Variants in SMC3 observed in about 807,000 individuals in gnomAD.
SMC3 encodes structural maintenance of chromosomes protein 3.
Under a neutral mutation model 171.8 loss-of-function variants are expected in SMC3, and 20 were observed. The observed-to-expected ratio is 0.12, with a 90% confidence interval of 0.08 to 0.17. The LOEUF is 0.17. Ranked by LOEUF, SMC3 falls within the 10% of genes least tolerant of loss-of-function variation. The pLI, the probability that SMC3 is intolerant of heterozygous loss-of-function variation, is 1.00. For synonymous variants in SMC3, 464 were observed against 451.1 expected (o/e 1.03, Z -0.36); for missense variants, 543 against 1,420.4 (o/e 0.38, Z 9.93).
chr10:110,569,113 G>T, intron 2 of SMC3, 100 bp downstream of exon 2: 3 of 793,390 alleles, frequency 3.8e-6, no homozygotes, highest in Non-Finnish European at 2.2e-6. Flanking sequence ...AATTGTCTTT[G>T]AATATTAAGT....
Position 110,567,768 on chromosome 10 carries a change from C to A in SMC3, c.-49C>A, listed in dbSNP as rs1409584483. 4 of 1,611,608 alleles carry A rather than the reference C, an allele frequency of 2.5e-6. No homozygotes were observed. Among genetic ancestry groups the A allele is most frequent in the African/African-American group, 1.3e-5 (1 of 74,892 alleles). On this transcript the variant is annotated 5_prime_UTR_variant, in exon 1 of 29. Coordinates refer to ENST00000361804, the MANE Select transcript of SMC3 (RefSeq NM_005445.4). ...CGCCTCACCTGACCCTGCGGCCGTG[C>A]GGTTGCTGCTCCGGGGCAGGTCTCC...
Position 110,589,726 on chromosome 10 carries a change from T to A in SMC3, c.1409+18T>A. 1 of 1,486,474 alleles carries A rather than the reference T, an allele frequency of 6.7e-7. No individual in the cohort carries two copies. The allele number at this position is 1,486,474 out of a possible 1,614,324, so 92.1% of individuals were successfully genotyped here. On this transcript the variant is annotated intron_variant, in intron 14 of 28. Coordinates refer to ENST00000361804, the MANE Select transcript of SMC3 (RefSeq NM_005445.4). Reference sequence around the variant, plus strand: ...GAAAGAAAGTTAGTATAGACTAAAATGTGCATTAATGTTTTCAGTAATGTT... The same window carrying A: ...GAAAGAAAGTTAGTATAGACTAAAAAGTGCATTAATGTTTTCAGTAATGTT...
At chr10:110,572,767 T>G (rs576255428) in intron 2 of SMC3, among the ~76,000 whole-genome samples, 1 of 152,188 alleles carries the variant, frequency 6.6e-6, no homozygotes, top group Non-Finnish European at 1.5e-5. Flanking sequence ...ACAAAATGAT[T>G]TTTCATTTCC....
chr10:110,598,346 A>C, intron 20 of SMC3, 56 bp downstream of exon 20: 1 of 1,493,600 alleles, frequency 6.7e-7, no homozygotes, highest in South Asian at 1.1e-5. Flanking sequence ...TAATATGGAA[A>C]TATGAATCAT....
In SMC3 at chr10:110,605,241, A is replaced by G. The variant is rs1250852176; in HGVS notation, c.*939A>G. Among the ~76,000 whole-genome samples, 1 of 151,964 alleles carries G rather than the reference A, an allele frequency of 6.6e-6. No homozygotes were observed. Among genetic ancestry groups the G allele is most frequent in the Non-Finnish European group, 1.5e-5 (1 of 67,976 alleles). On this transcript the variant is annotated 3_prime_UTR_variant, in exon 29 of 29. Transcript: ENST00000361804. The stretch of plus-strand genomic sequence containing the variant: ...TGAAGTTACATTTTTTTCCCTTTCC[A>G]TACTACTCTTTTCTTTGAAAGTAGG...
intron 21 of SMC3, 51 bp from the exon 22 acceptor site, chr10:110,600,388 C>T (rs778805424): frequency 2.3e-6 from 2 of 880,134 alleles, no homozygotes; most frequent in South Asian, 1.3e-5. Context: ...GAGCACCATT[C>T]CTGTGTGTGA....
In SMC3 at chr10:110,583,291, T is replaced by C. The variant is rs1349687932; in HGVS notation, c.805-93T>C. On this transcript the variant is annotated intron_variant, in intron 10 of 28. Coordinates refer to ENST00000361804, the MANE Select transcript of SMC3 (RefSeq NM_005445.4). ...AATTGAATATTGAAAGGACAGAGTA[T>C]TACTAAACATTAAGTGAAAGAGAAT... is the stretch of plus-strand genomic sequence containing the variant. 1.4e-5 allele frequency: 14 copies of C among 986,910 alleles called. No homozygotes were observed. In the Admixed American group the frequency reaches 2.4e-4, roughly 17 times the overall value. The allele number at this position is 986,910 out of a possible 1,614,324, so 61.1% of individuals were successfully genotyped here. A position where few individuals can be genotyped will look rare whatever the true frequency, so the allele number is the denominator to read the frequency against.
chr10:110,575,618 T>C (rs1021598474), intron 4 of SMC3, among the ~76,000 whole-genome samples: 1 of 152,218 alleles, frequency 6.6e-6, no homozygotes, highest in Non-Finnish European at 1.5e-5. Context: ...GAGAAAATTA[T>C]AGGATTTGCC....
At chr10:110,586,391 A>G (rs1378124493) in intron 13 of SMC3, among the ~76,000 whole-genome samples, 1 of 152,192 alleles carries the variant, frequency 6.6e-6, no homozygotes, top group Non-Finnish European at 1.5e-5. Flanking sequence ...TAATCCAGGC[A>G]GTTCTTTATA....
chr10:110,599,588 T>G lies in SMC3; in HGVS notation c.2269-66T>G, dbSNP rs1365877752. Reference sequence around the variant, plus strand: ...TTAGCTCAATCAAATATAGATTGTTTTAAAATTTTCACTATAAGTAATACA... The same window carrying G: ...TTAGCTCAATCAAATATAGATTGTTGTAAAATTTTCACTATAAGTAATACA... On this transcript the variant is annotated intron_variant, in intron 20 of 28. Coordinates refer to ENST00000361804, the MANE Select transcript of SMC3 (RefSeq NM_005445.4). 9.0e-6 allele frequency: 13 copies of G among 1,443,326 alleles called. No homozygotes were observed. In the Middle Eastern group the frequency reaches 1.4e-3, roughly 159 times the overall value. 89.4% of individuals were successfully genotyped at this position (1,443,326 alleles called of 1,614,324 possible).
chr10:110,595,331 G>T (rs189358681), intron 18 of SMC3, among the ~76,000 whole-genome samples: 175 of 152,138 alleles, frequency 1.2e-3, no homozygotes, highest in Non-Finnish European at 1.8e-3. Flanking sequence ...CCCACCCAGA[G>T]AAATCCAGAA....
In SMC3 at chr10:110,578,019, C is replaced by G. The variant is rs547435705; in HGVS notation, c.350+105C>G. On this transcript the variant is annotated intron_variant, in intron 6 of 28. Coordinates refer to ENST00000361804, the MANE Select transcript of SMC3 (RefSeq NM_005445.4). ...TCTCGAACTCTTGGCCTCAAATGAT[C>G]CACCTCGGCTTCCTAAAGTGCTAGG... The G allele has an allele frequency of 2.1e-5, 16 of 762,278 alleles. No homozygotes were observed. In the African/African-American group the frequency reaches 2.4e-4, roughly 12 times the overall value. The allele number at this position is 762,278 out of a possible 1,614,324, so 47.2% of individuals were successfully genotyped here.
intron 19 of SMC3, among the ~76,000 whole-genome samples, chr10:110,597,847 G>T (rs1443201379): frequency 6.6e-6 from 1 of 152,192 alleles, no homozygotes; most frequent in African/African-American, 2.4e-5. Flanking sequence ...AATATTGTTA[G>T]ATTTCACCTA....
intron 2 of SMC3, among the ~76,000 whole-genome samples, chr10:110,573,498 GA>G (rs1176418587): frequency 6.6e-6 from 1 of 151,988 alleles, no homozygotes; most frequent in African/African-American, 2.4e-5. Context: ...TATCTTTAAA[GA>G]AAAAACTATT....
chr10:110,602,796 A>G, intron 26 of SMC3, 29 bp from the exon 27 acceptor site: 2 of 1,606,334 alleles, frequency 1.2e-6, no homozygotes, highest in South Asian at 2.2e-5. Flanking sequence ...GCCCTTTAGG[A>G]TATTAACTCA....
Position 110,600,421 on chromosome 10 carries a change from A to G in SMC3, c.2428-18A>G. ...TGAAATGTACATGCTTATATAGACAACTTTTTCTTAATTCTAGGAAAACAG... is the reference window on the plus strand; with the variant it reads ...TGAAATGTACATGCTTATATAGACAGCTTTTTCTTAATTCTAGGAAAACAG... On this transcript the variant is annotated intron_variant, in intron 21 of 28. Transcript: ENST00000361804. 7.9e-7 allele frequency: 1 copy of G among 1,268,866 alleles called. No homozygotes were observed. The highest frequency in any genetic ancestry group is 2.3e-5 in the East Asian group (1 of 43,310). 78.6% of individuals were successfully genotyped at this position (1,268,866 alleles called of 1,614,324 possible).
At chr10:110,598,441 G>C in intron 20 of SMC3, 151 bp downstream of exon 20, 1 of 794,490 alleles carries the variant, frequency 1.3e-6, no homozygotes, top group Non-Finnish European at 2.0e-6. Flanking sequence ...GTCTCTTTCT[G>C]TCTCACCCAG....
intron 14 of SMC3, 47 bp downstream of exon 14, chr10:110,589,755 T>C: frequency 7.0e-7 from 1 of 1,419,094 alleles, no homozygotes; most frequent in Non-Finnish European, 9.9e-7. Context: ...TAATGTTCGT[T>C]ACTAGCTGTT....
intron 18 of SMC3, among the ~76,000 whole-genome samples, chr10:110,593,814 C>T (rs1471620498): frequency 6.6e-6 from 1 of 151,688 alleles, no homozygotes; most frequent in East Asian, 1.9e-4. Context: ...TGGTGAAACC[C>T]CATCTCTACT....
Sources: gnomAD v4.1 joint callset for allele counts (sites outside exome capture counted in the v4.1 genomes callset) on GRCh38, gnomAD v4.1.1 for gene constraint, MANE v1.5 for transcripts, NCBI Gene and HGNC (gene_info 2026-07-23, HGNC 2026-07-21) for gene names.